Variants in NIPA2 observed in about 807,000 individuals in gnomAD.
NIPA2 encodes the protein magnesium transporter NIPA2.
In NIPA2, 11 loss-of-function variants were observed where a neutral mutation model predicts 29.7. That is an observed-to-expected ratio of 0.37 (90% confidence interval 0.23 to 0.61). The LOEUF (loss-of-function observed/expected upper bound fraction) is 0.61. Among genes scored for constraint, NIPA2 ranks in the 20% least tolerant of loss-of-function variants. NIPA2 has a pLI of 0.66. For missense variants in NIPA2, 426 were observed against 437.9 expected (o/e 0.97, Z 0.24); for synonymous variants, 183 against 161.9 (o/e 1.13, Z -0.99).
At chr15:22,863,738 C>T (rs148840169) in intron 7 of NIPA2, among the ~76,000 whole-genome samples, 9 of 152,292 alleles carry the variant, frequency 5.9e-5, no homozygotes, top group African/African-American at 1.4e-4. Flanking sequence ...AAGCTTAGGC[C>T]GGTGTTGATT....
chr15:22,853,529 C>T (rs2057939456), intron 5 of NIPA2, among the ~76,000 whole-genome samples: 1 of 151,766 alleles, frequency 6.6e-6, no homozygotes, highest in African/African-American at 2.4e-5. Context: ...GTGCCACCAC[C>T]ACGCCCAGCT....
At position 22,838,710 on chromosome 15, in the gene NIPA2, G is replaced by T. The variant is rs1356451532; in HGVS notation, c.-563G>T. ...CGGCAGCGGTGGTGACGGCGGTGCCGGAGGTTGTCCTTGGCAGGTTTTCCT... is the reference window on the plus strand; with the variant it reads ...CGGCAGCGGTGGTGACGGCGGTGCCTGAGGTTGTCCTTGGCAGGTTTTCCT... On this transcript the variant is annotated 5_prime_UTR_variant, in exon 1 of 8. Coordinates refer to ENST00000337451, the MANE Select transcript of NIPA2 (RefSeq NM_030922.7). 6.6e-6 allele frequency: 1 copy of T among 152,512 alleles called. No homozygotes were observed. 9.4% of individuals were successfully genotyped at this position (152,512 alleles called of 1,614,324 possible). A position where few individuals can be genotyped will look rare whatever the true frequency, so the allele number is the denominator to read the frequency against.
At chr15:22,865,885 T>TG (rs1219150294) in intron 7 of NIPA2, among the ~76,000 whole-genome samples, 1 of 152,172 alleles carries the variant, frequency 6.6e-6, no homozygotes, top group Non-Finnish European at 1.5e-5. Context: ...GGCCACCTCA[T>TG]GGTTTCTCCT....
intron 2 of NIPA2, among the ~76,000 whole-genome samples, chr15:22,841,225 C>G (rs979653994): frequency 6.6e-6 from 1 of 152,106 alleles, no homozygotes; most frequent in Non-Finnish European, 1.5e-5. Flanking sequence ...GTGTTAGTAT[C>G]TGTATGTTTC....
chr15:22,867,238 TAAAA>T lies in NIPA2; in HGVS notation c.*395_*398del. 1 of 403,946 alleles carries T rather than the reference TAAAA, an allele frequency of 2.5e-6. No individual in the cohort carries two copies. The highest frequency in any genetic ancestry group is 4.4e-6 in the Non-Finnish European group (1 of 229,602). 25.0% of individuals were successfully genotyped at this position (403,946 alleles called of 1,614,324 possible). The stretch of plus-strand genomic sequence containing the variant: ...CTGACCATGTAAGGCTTTTTTATTT[TAAAA>T]AAACAGAGTTATCCCAATACATTAT... On this transcript the variant is annotated 3_prime_UTR_variant, in exon 8 of 8. Transcript: ENST00000337451.
chr15:22,849,353 G>C (rs932939836), intron 3 of NIPA2, among the ~76,000 whole-genome samples: 1 of 151,740 alleles, frequency 6.6e-6, no homozygotes, highest in Non-Finnish European at 1.5e-5. Flanking sequence ...AAGCAAGACG[G>C]GGTCTCCAAA....
chr15:22,866,523 T>C lies in NIPA2; in HGVS notation c.759T>C (p.Tyr253=), dbSNP rs563119073. 6.2e-6 allele frequency: 10 copies of C among 1,613,790 alleles called. No homozygotes were observed. In the South Asian group the frequency reaches 9.9e-5, roughly 16 times the overall value. Residue 253 remains tyrosine, a synonymous_variant, in exon 8 of 8, where the codon TAT becomes TAC. Transcript: ENST00000337451. ...CTTCCATTGTGACTCCAATATATTA[T>C]GTATTCTTTACAACATCAGTTTTAA... ...FNTSIVTPIY[Y]VFFTTSVLTC...
chr15:22,844,628 G>A (rs115848625), intron 2 of NIPA2, among the ~76,000 whole-genome samples: 8,316 of 151,898 alleles, frequency 0.055, 784 homozygotes, highest in African/African-American at 0.19. Context: ...CGTGGTATAC[G>A]CCTGTGGTCC....
chr15:22,860,866 C>T (rs768697021), intron 7 of NIPA2, 77 bp downstream of exon 7: 13 of 1,081,658 alleles, frequency 1.2e-5, no homozygotes, highest in Non-Finnish European at 1.7e-5. Context: ...ATTTGATGAG[C>T]ACATAAGGAA....
In NIPA2 at chr15:22,839,312, CTA is replaced by C. The variant is rs1396903218; in HGVS notation, c.-351-340_-351-339del. 3 of 152,190 alleles carry C rather than the reference CTA, an allele frequency of 2.0e-5. No homozygotes were observed. In the East Asian group the frequency reaches 5.8e-4, roughly 29 times the overall value. 9.4% of individuals were successfully genotyped at this position (152,190 alleles called of 1,614,324 possible). ...AAATCACGGAATCCTATTTCCCTCT[CTA>C]TACAATTGCTCAAAACTGTGTGTTT... is the stretch of plus-strand genomic sequence containing the variant. On this transcript the variant is annotated intron_variant, in intron 1 of 7. Coordinates refer to ENST00000337451, the MANE Select transcript of NIPA2 (RefSeq NM_030922.7).
chr15:22,850,780 A>C (rs1179284528), intron 3 of NIPA2, among the ~76,000 whole-genome samples: 1 of 152,226 alleles, frequency 6.6e-6, no homozygotes, highest in Non-Finnish European at 1.5e-5. Flanking sequence ...ATGGCTAGTT[A>C]GGGTCCTGAC....
At chr15:22,862,360 T>G (rs1464315006) in intron 7 of NIPA2, among the ~76,000 whole-genome samples, 2 of 152,102 alleles carry the variant, frequency 1.3e-5, no homozygotes, top group Non-Finnish European at 2.9e-5. Flanking sequence ...ATCTGAAAAT[T>G]TATGTCTGAC....
intron 7 of NIPA2, among the ~76,000 whole-genome samples, chr15:22,861,906 TTTTG>T (rs1035432810): frequency 1.3e-5 from 2 of 151,936 alleles, no homozygotes; most frequent in Admixed American, 6.6e-5. Flanking sequence ...GGCTAATTTT[TTTTG>T]TTTGTTTGGT....
At chr15:22,839,907 G>A (rs1024323427) in intron 2 of NIPA2, 117 bp downstream of exon 2, 4 of 152,056 alleles carry the variant, frequency 2.6e-5, no homozygotes, top group African/African-American at 9.7e-5. Context: ...CAAGTGAGAG[G>A]TTGGAAAAAA....
chr15:22,848,760 G>C (rs1384382442), intron 3 of NIPA2, among the ~76,000 whole-genome samples: 2 of 146,436 alleles, frequency 1.4e-5, no homozygotes, highest in South Asian at 2.1e-4. Flanking sequence ...GGGCAGTAGA[G>C]GTTGCAGTGA....
chr15:22,854,882 C>T (rs2058067950), intron 5 of NIPA2, among the ~76,000 whole-genome samples: 1 of 151,872 alleles, frequency 6.6e-6, no homozygotes, highest in African/African-American at 2.4e-5. Flanking sequence ...AACGACAAGG[C>T]TTTTTTTTAC....
chr15:22,852,480 A>T (rs2057835493), intron 4 of NIPA2, among the ~76,000 whole-genome samples: 1 of 151,928 alleles, frequency 6.6e-6, no homozygotes, highest in African/African-American at 2.4e-5. Flanking sequence ...AAAAAAAAAA[A>T]AGCCATGGTT....
At chr15:22,840,986 GAT>G in intron 2 of NIPA2, among the ~76,000 whole-genome samples, 1 of 126,438 alleles carries the variant, frequency 7.9e-6, no homozygotes, top group East Asian at 2.7e-4. Flanking sequence ...TGAACAGAAA[GAT>G]AAGACTTCTG....
In NIPA2 at chr15:22,838,709, C is replaced by T. The variant is rs1014584184; in HGVS notation, c.-564C>T. On this transcript the variant is annotated 5_prime_UTR_variant, in exon 1 of 8. Transcript: ENST00000337451. ...CCGGCAGCGGTGGTGACGGCGGTGC[C>T]GGAGGTTGTCCTTGGCAGGTTTTCC... is the stretch of plus-strand genomic sequence containing the variant. 3.3e-5 allele frequency: 5 copies of T among 152,476 alleles called. 1 individual carries two copies. The highest frequency in any genetic ancestry group is 7.3e-5 in the Non-Finnish European group (5 of 68,088). 9.4% of individuals were successfully genotyped at this position (152,476 alleles called of 1,614,324 possible). A position where few individuals can be genotyped will look rare whatever the true frequency, so the allele number is the denominator to read the frequency against.
Sources: gnomAD v4.1 joint callset for allele counts (sites outside exome capture counted in the v4.1 genomes callset) on GRCh38, gnomAD v4.1.1 for gene constraint, MANE v1.5 for transcripts, NCBI Gene and HGNC (gene_info 2026-07-23, HGNC 2026-07-21) for gene names.